The following ARHGEF3 variants were observed in gnomAD, a reference collection of about 807,000 sequenced individuals.
ARHGEF3 encodes 59.8 kDA protein.
ARHGEF3 carries 28 observed loss-of-function variants against 63.2 expected under a neutral mutation model. The ratio of observed to expected loss-of-function variants is 0.44; its 90% CI spans 0.33 to 0.61. The LOEUF (loss-of-function observed/expected upper bound fraction) is 0.61, where lower values mean the gene tolerates loss of function less well. Among genes scored for constraint, ARHGEF3 ranks in the 20% least tolerant of loss-of-function variants. ARHGEF3 has a pLI of 0.03. For synonymous variants in ARHGEF3, 266 were observed against 254.2 expected (o/e 1.05, Z -0.44); for missense variants, 533 against 659.3 (o/e 0.81, Z 2.10).
intron 4 of ARHGEF3, among the ~76,000 whole-genome samples, chr3:56,848,790 C>T (rs1181988922): frequency 6.6e-6 from 1 of 152,174 alleles, no homozygotes; most frequent in East Asian, 1.9e-4. Context: ...GCCTCAGCTT[C>T]CCGAGTAGCT....
At chr3:56,738,730 A>G (rs1377614433) in intron 7 of ARHGEF3, among the ~76,000 whole-genome samples, 2 of 152,180 alleles carry the variant, frequency 1.3e-5, no homozygotes, top group Non-Finnish European at 2.9e-5. Flanking sequence ...TCATTCTGTC[A>G]TATGAATATA....
chr3:56,905,714 G>A (rs993563650), intron 3 of ARHGEF3, among the ~76,000 whole-genome samples: 8 of 152,146 alleles, frequency 5.3e-5, no homozygotes, highest in African/African-American at 1.9e-4. Flanking sequence ...TCCCCTCCTC[G>A]AACAGCATTA....
At chr3:57,072,219 A>G (rs1705946875) in intron 1 of ARHGEF3, among the ~76,000 whole-genome samples, 1 of 152,220 alleles carries the variant, frequency 6.6e-6, no homozygotes, top group Admixed American at 6.5e-5. Context: ...GCAGTTCCTC[A>G]AAATGTTAAG....
rs12496441 is a variant in ARHGEF3 at position 56,882,428 on chromosome 3, C to A, written c.130-74G>T. 37,640 of 1,254,650 alleles carry A rather than the reference C, an allele frequency of 0.03. 2,229 individuals are homozygous for A. The highest frequency in any genetic ancestry group is 0.25 in the East Asian group (9,644 of 39,308). The allele number at this position is 1,254,650 out of a possible 1,614,324, so 77.7% of individuals were successfully genotyped here. The stretch of plus-strand genomic sequence containing the variant: ...GCTTTGATTAAGGCAAGAAAAAAAG[C>A]AATCAAATAGCACATGCAATCCTTA... On this transcript the variant is annotated intron_variant, in intron 3 of 12. Transcript: ENST00000338458.
chr3:56,882,753 G>C (rs768952305), intron 3 of ARHGEF3, among the ~76,000 whole-genome samples: 1 of 151,994 alleles, frequency 6.6e-6, no homozygotes, highest in African/African-American at 2.4e-5. Flanking sequence ...TCCTGACCTC[G>C]TGATCCGCCC....
chr3:56,845,486 C>T (rs201722449), intron 4 of ARHGEF3, among the ~76,000 whole-genome samples: 10 of 152,260 alleles, frequency 6.6e-5, no homozygotes, highest in East Asian at 5.8e-4. Flanking sequence ...TTTGGTGATA[C>T]CTGAATTGAA....
intron 2 of ARHGEF3, among the ~76,000 whole-genome samples, chr3:56,967,025 G>C (rs986079079): frequency 6.7e-6 from 1 of 149,472 alleles, no homozygotes; most frequent in African/African-American, 2.4e-5. Context: ...CACCATGCCC[G>C]GCTAATTTTG....
chr3:56,775,761 C>T (rs1479924578), intron 1 of ARHGEF3: 1 of 779,534 alleles, frequency 1.3e-6, no homozygotes, highest in African/African-American at 1.9e-5. Flanking sequence ...CAGAGCTGCA[C>T]CACTAGCGTA....
rs2036130752 is a variant in ARHGEF3, at chr3:56,773,734, A to G, written c.179T>C (p.Leu60Ser). 1 of 1,593,374 alleles carries G rather than the reference A, an allele frequency of 6.3e-7. No homozygotes were observed. Among genetic ancestry groups the G allele is most frequent in the East Asian group, 2.3e-5 (1 of 44,074 alleles). The change falls in exon 2 of 10, where the codon TTA becomes TCA. Residue 60 changes from leucine to serine, a missense_variant. Transcript: ENST00000296315. ...CTGCAGGGTTTGACTGAAGCGCTTT[A>G]ATGGCGTGGCCTTCACGGGCGGGAT... ...NLIPPVKATP[L>S]KRFSQTLQRS...
At chr3:57,039,072 C>A (rs1475552939) in intron 1 of ARHGEF3, among the ~76,000 whole-genome samples, 1 of 151,984 alleles carries the variant, frequency 6.6e-6, no homozygotes, top group African/African-American at 2.4e-5. Flanking sequence ...TCGTGTTAAT[C>A]TAAAGTTCAT....
At chr3:56,760,444 A>G (rs373331907) in intron 2 of ARHGEF3, among the ~76,000 whole-genome samples, 1 of 152,328 alleles carries the variant, frequency 6.6e-6, no homozygotes, top group East Asian at 1.9e-4. Context: ...AGTAAGCTGT[A>G]CTAGGTGAGC....
chr3:56,741,496 C>CTT (rs71072191), intron 7 of ARHGEF3, among the ~76,000 whole-genome samples: 779 of 50,556 alleles, frequency 0.015, 193 homozygotes, highest in East Asian at 0.1. Flanking sequence ...TACATTGGTT[C>CTT]TTTTTTTTTT....
At position 56,745,374 on chromosome 3, in the gene ARHGEF3, A is replaced by T; in HGVS notation, c.701T>A (p.Val234Asp). 1 of 1,613,868 alleles carries T rather than the reference A, an allele frequency of 6.2e-7. No homozygotes were observed. The highest frequency in any genetic ancestry group is 8.5e-7 in the Non-Finnish European group (1 of 1,179,988). ...TAAACATCGCTGTAGGAAATCCTGG[A>T]CTCGGTGATCTTGCTTTTTGTGGTC... ...LLDHKKQDHR[V>D]QDFLQRCLES... The change falls in exon 7 of 10, where the codon GTC (valine) becomes GAC (aspartate). Residue 234 changes from valine (V) to aspartate (D), a missense_variant. Transcript: ENST00000296315.
intron 2 of ARHGEF3, chr3:57,007,218 A>T (rs1056706820): frequency 5.3e-5 from 68 of 1,289,104 alleles, no homozygotes; most frequent in Non-Finnish European, 6.7e-5. Flanking sequence ...TTAGGAGTCG[A>T]AGGTGGGGGG....
intron 2 of ARHGEF3, among the ~76,000 whole-genome samples, chr3:57,013,137 C>T (rs575727057): frequency 1.3e-5 from 2 of 152,384 alleles, no homozygotes; most frequent in East Asian, 3.9e-4. Context: ...GCCCGCCATG[C>T]CTGAGCCCCC....
In ARHGEF3 at chr3:56,966,957, G is replaced by A. The variant is rs527773063; in HGVS notation, c.63-8068C>T. 7.8e-4 allele frequency among the ~76,000 whole-genome samples: 118 copies of A among 150,734 alleles called. 1 individual carries two copies. The highest frequency in any genetic ancestry group is 2.7e-3 in the African/African-American group (112 of 41,206). On this transcript the variant is annotated intron_variant, in intron 2 of 12. Coordinates refer to the ARHGEF3 transcript ENST00000338458. ...CTGCTCACTGCAACCTCCACCTCCT[G>A]GGTTCAAGTGATTCTCCTACCTCAG...
intron 2 of ARHGEF3, among the ~76,000 whole-genome samples, chr3:56,964,739 C>G (rs1021575801): frequency 6.6e-6 from 1 of 151,880 alleles, no homozygotes; most frequent in Admixed American, 6.6e-5. Context: ...GTTTGAGGAG[C>G]CAGAAAGACC....
rs571007431 is a variant in ARHGEF3, at chr3:57,028,703, T to A, written c.62+6385A>T. ...AACTTAAAGTATAATAAAAAAAAAATAAATAAATAAATAAAAAAAAAAGAA... is the reference window on the plus strand; with the variant it reads ...AACTTAAAGTATAATAAAAAAAAAAAAAATAAATAAATAAAAAAAAAAGAA... On this transcript the variant is annotated intron_variant, in intron 2 of 12. Transcript: ENST00000338458. 6.6e-3 allele frequency among the ~76,000 whole-genome samples: 916 copies of A among 137,868 alleles called. 3 individuals carry two copies. The highest frequency in any genetic ancestry group is 0.023 in the African/African-American group (782 of 34,060). 90.4% of individuals were successfully genotyped at this position (137,868 alleles called of 152,430 possible). A position where few individuals can be genotyped will look rare whatever the true frequency, so the allele number is the denominator to read the frequency against.
chr3:56,797,239 T>C (rs35983891), intron 1 of ARHGEF3, among the ~76,000 whole-genome samples: 67,208 of 152,112 alleles, frequency 0.44, 17,824 homozygotes, highest in Non-Finnish European at 0.58. Context: ...AGTCTTATTC[T>C]AGTCAATGCC....
Sources: allele counts gnomAD v4.1 joint callset (sites outside exome capture counted in the v4.1 genomes callset), GRCh38; gene constraint gnomAD v4.1.1; transcripts MANE v1.5; gene names NCBI Gene and HGNC (gene_info 2026-07-23, HGNC 2026-07-21).